The following CHIC2 variants were observed in gnomAD, a reference collection of about 807,000 sequenced individuals.
CHIC2 encodes the protein cysteine rich hydrophobic domain 2, also known as cysteine-rich hydrophobic domain-containing protein 2.
In CHIC2, 14 loss-of-function variants were observed where a neutral mutation model predicts 25.9. The observed-to-expected ratio is 0.54, with a 90% confidence interval of 0.36 to 0.85. The LOEUF (loss-of-function observed/expected upper bound fraction) is 0.85, where lower values mean the gene tolerates loss of function less well. CHIC2 is among the 40% of genes least tolerant of loss of function. The pLI is 0.01. For synonymous variants in CHIC2, 70 were observed against 72.0 expected, an observed-to-expected ratio of 0.97 and a Z score of 0.14; for missense variants, 146 against 202.0, an observed-to-expected ratio of 0.72 and a Z score of 1.68.
the CHIC2 span, among the ~76,000 whole-genome samples, chr4:54,091,571 C>A: frequency 2.0e-5 from 3 of 152,188 alleles, no homozygotes; most frequent in Non-Finnish European, 4.4e-5. Context: ...GGATCAAAGA[C>A]CACATTGGGT....
In CHIC2 at chr4:54,064,399, T is replaced by C; in HGVS notation, c.-99A>G. The C allele has an allele frequency of 6.5e-7, 1 of 1,549,368 alleles. No homozygotes were observed. The highest frequency in any genetic ancestry group is 8.7e-7 in the Non-Finnish European group (1 of 1,150,086). ...GGCGGAGGCTGAGGGGAGTCGCCGC[T>C]GCCGCCGGCTCCGAGGCCGCGGAGT... On this transcript the variant is annotated 5_prime_UTR_variant, in exon 1 of 6. Coordinates refer to ENST00000263921, the MANE Select transcript of CHIC2 (RefSeq NM_012110.4). This position sits in a 1 kb window ranked among gnomAD's most constrained non-coding sequence, Gnocchi z 4.2.
chr4:54,052,460 G>C (rs192137253), intron 1 of CHIC2, among the ~76,000 whole-genome samples: 1 of 152,112 alleles, frequency 6.6e-6, no homozygotes, highest in East Asian at 1.9e-4. Context: ...TTTATTCTAA[G>C]ACAAAGTACA....
chr4:54,050,566 A>G (rs924584562), intron 1 of CHIC2, among the ~76,000 whole-genome samples: 26 of 152,164 alleles, frequency 1.7e-4, no homozygotes, highest in African/African-American at 5.1e-4. Flanking sequence ...GCCACATAAC[A>G]ACGTTTCAGT....
upstream of CHIC2, chr4:54,065,197 C>G (rs745649851): frequency 3.1e-5 from 14 of 456,844 alleles, no homozygotes; most frequent in Non-Finnish European, 4.0e-5. Flanking sequence ...TCCCTTGATC[C>G]CCTTAAGTAT....
At chr4:54,079,226 G>C in the CHIC2 span, among the ~76,000 whole-genome samples, 46,541 of 151,682 alleles carry the variant, frequency 0.31, 8,649 homozygotes, top group African/African-American at 0.53. Flanking sequence ...AGCAAACAAA[G>C]AAACAACAAC....
At chr4:54,026,572 A>G (rs921819457) in intron 3 of CHIC2, among the ~76,000 whole-genome samples, 1 of 152,170 alleles carries the variant, frequency 6.6e-6, no homozygotes, top group Non-Finnish European at 1.5e-5. Flanking sequence ...TATGTTATGG[A>G]TATTTTACAG....
chr4:54,077,590 A>ATGATATTTTGCTGAGGATGAG, the CHIC2 span, among the ~76,000 whole-genome samples: 91 of 152,328 alleles, frequency 6.0e-4, no homozygotes, highest in African/African-American at 2.2e-3. Flanking sequence ...TAAGGAACAG[A>ATGATATTTTGCTGAGGATGAG]CAGGTTATTT....
intron 3 of CHIC2, among the ~76,000 whole-genome samples, chr4:54,028,862 C>T (rs985684907): frequency 2.0e-5 from 3 of 152,198 alleles, no homozygotes; most frequent in East Asian, 1.9e-4. Context: ...CAGCGGCTCA[C>T]GCCTGTAATC....
At chr4:54,064,785 T>G, upstream of CHIC2, 2 of 412,648 alleles carry the variant, frequency 4.8e-6, no homozygotes, top group Non-Finnish European at 6.5e-6. This position sits in a 1 kb window ranked among gnomAD's most constrained non-coding sequence, Gnocchi z 4.2. Context: ...TTCCTCTGCT[T>G]CTACCCGCAG....
the CHIC2 span, chr4:54,087,298 T>C: frequency 1.7e-6 from 1 of 571,666 alleles, no homozygotes; most frequent in Non-Finnish European, 3.1e-6. Context: ...TGAAGATGCC[T>C]GAAGAATCGA....
chr4:54,030,502 AAG>A (rs908952635), intron 3 of CHIC2, among the ~76,000 whole-genome samples: 6 of 148,990 alleles, frequency 4.0e-5, no homozygotes, highest in African/African-American at 1.5e-4. Context: ...CACTCTGGGC[AAG>A]AGAGTCCCTA....
At chr4:54,053,499 G>A (rs1295902664) in intron 1 of CHIC2, among the ~76,000 whole-genome samples, 2 of 146,608 alleles carry the variant, frequency 1.4e-5, no homozygotes, top group African/African-American at 5.1e-5. Context: ...AGGTTGCAGT[G>A]AGCCAAGATT....
intron 3 of CHIC2, among the ~76,000 whole-genome samples, chr4:54,016,871 A>T (rs1715754790): frequency 6.6e-6 from 1 of 151,842 alleles, no homozygotes; most frequent in African/African-American, 2.4e-5. Flanking sequence ...CTGTGCCACA[A>T]ATTATTTGTT....
rs368797095 is a variant in CHIC2, at chr4:54,013,856, G to A, written c.428C>T (p.Thr143Met). The A allele has an allele frequency of 5.6e-6, 9 of 1,613,042 alleles. No homozygotes were observed. The highest frequency in any genetic ancestry group is 4.0e-5 in the African/African-American group (3 of 74,824). ...HWRLSKRKCE[T>M]NNMMEYVILI... The stretch of plus-strand genomic sequence containing the variant: ...ACTTACATATTCCATCATGTTATTC[G>A]TTTCACATTTCCTTTTGCTCAGTCT... Residue 143 changes from threonine to methionine, a missense_variant, in exon 5 of 6, where the codon ACG (threonine) becomes ATG (methionine). Coordinates refer to ENST00000263921, the MANE Select transcript of CHIC2 (RefSeq NM_012110.4).
the CHIC2 span, among the ~76,000 whole-genome samples, chr4:54,077,343 T>C: frequency 2.6e-5 from 4 of 152,196 alleles, no homozygotes; most frequent in Non-Finnish European, 5.9e-5. Flanking sequence ...CAAAGCCTTG[T>C]AGAAACACAA....
intron 3 of CHIC2, among the ~76,000 whole-genome samples, chr4:54,047,334 A>G (rs1716862760): frequency 6.6e-6 from 1 of 152,174 alleles, no homozygotes; most frequent in African/African-American, 2.4e-5. Flanking sequence ...ATGCTGCTAT[A>G]AAGACACATG....
chr4:54,010,538 A>C (rs953748324), intron 5 of CHIC2, among the ~76,000 whole-genome samples: 52 of 152,232 alleles, frequency 3.4e-4, no homozygotes, highest in African/African-American at 1.2e-3. Context: ...GGTGTTCCAT[A>C]CTACATTGGG....
the CHIC2 span, among the ~76,000 whole-genome samples, chr4:54,089,392 C>CATATATATATATATAT: frequency 1.9e-3 from 271 of 145,170 alleles, 1 homozygote; most frequent in African/African-American, 6.6e-3. Context: ...CACCACATTC[C>CATATATATATATATAT]ATATATATAT....
intron 1 of CHIC2, among the ~76,000 whole-genome samples, chr4:54,058,559 TACACACACACAC>T (rs36034143): frequency 4.6e-4 from 64 of 138,576 alleles, no homozygotes; most frequent in Admixed American, 9.4e-4. Context: ...TACACACACA[TACACACACACAC>T]ACACACACAC....
Sources: allele counts gnomAD v4.1 joint callset (sites outside exome capture counted in the v4.1 genomes callset), GRCh38; gene constraint gnomAD v4.1.1; non-coding constraint Gnocchi (gnomAD v3.1); transcripts MANE v1.5; gene names NCBI Gene and HGNC (gene_info 2026-07-23, HGNC 2026-07-21).